The following ADGB variants were observed in gnomAD, a reference collection of about 807,000 sequenced individuals.
ADGB encodes the protein calpain-7-like protein.
In ADGB, 172 loss-of-function variants were observed where a neutral mutation model predicts 210.5. That is an observed-to-expected ratio of 0.82 (90% CI 0.72 to 0.93). The LOEUF is 0.93. Among genes scored for constraint, ADGB ranks in the 40% least tolerant of loss-of-function variants. The probability of loss-of-function intolerance (pLI) is 0.00; values close to 1 mark genes in which losing one functional copy is unlikely to be tolerated. For synonymous variants in ADGB, 658 were observed against 662.7 expected, an observed-to-expected ratio of 0.99 and a Z score of 0.11; for missense variants, 2,025 against 1,964.8, an observed-to-expected ratio of 1.03 and a Z score of -0.58.
At chr6:146,771,419 C>G (rs574076538) in intron 29 of ADGB, among the ~76,000 whole-genome samples, 2 of 152,044 alleles carry the variant, frequency 1.3e-5, no homozygotes, top group Non-Finnish European at 2.9e-5. Flanking sequence ...TTTCTCTTTG[C>G]ATGTTACCAT....
At chr6:146,775,123 G>A (rs1423688724) in intron 29 of ADGB, among the ~76,000 whole-genome samples, 1 of 151,906 alleles carries the variant, frequency 6.6e-6, no homozygotes, top group Non-Finnish European at 1.5e-5. Context: ...ATTGGTTAAG[G>A]GTTTTCTGTT....
intron 1 of ADGB, among the ~76,000 whole-genome samples, chr6:146,613,699 C>T (rs529461518): frequency 2.0e-5 from 3 of 152,196 alleles, no homozygotes; most frequent in East Asian, 1.9e-4. Flanking sequence ...GGCTTTATAC[C>T]TTTGCACCAG....
chr6:146,670,833 A>T (rs1006282460), intron 7 of ADGB, among the ~76,000 whole-genome samples: 5 of 152,178 alleles, frequency 3.3e-5, no homozygotes, highest in Admixed American at 6.6e-5. Flanking sequence ...AAAAATTTTT[A>T]AAGGCTATAC....
At chr6:146,615,043 G>A (rs1170333867) in intron 1 of ADGB, among the ~76,000 whole-genome samples, 3 of 151,936 alleles carry the variant, frequency 2.0e-5, no homozygotes, top group Non-Finnish European at 4.4e-5. Context: ...TGGGACTACA[G>A]GCGCCCACCA....
In ADGB at chr6:146,731,247, A is replaced by G. The variant is rs1333055025; in HGVS notation, c.2521-1873A>G. Among the ~76,000 whole-genome samples, 3 of 152,162 alleles carry G rather than the reference A, an allele frequency of 2.0e-5. No individual in the cohort carries two copies. The East Asian group carries it at 5.8e-4, about 29-fold the overall frequency. On this transcript the variant is annotated intron_variant, in intron 20 of 35. Coordinates refer to ENST00000397944, the MANE Select transcript of ADGB (RefSeq NM_024694.4). Reference sequence around the variant, plus strand: ...ATATTTGCCATAATTCACCTGTAGAACAAGTCTGATAGTGCCCCCACCCTT... The same window carrying G: ...ATATTTGCCATAATTCACCTGTAGAGCAAGTCTGATAGTGCCCCCACCCTT...
chr6:146,750,717 G>C (rs919177407), intron 26 of ADGB, among the ~76,000 whole-genome samples: 4 of 152,262 alleles, frequency 2.6e-5, no homozygotes, highest in African/African-American at 9.6e-5. Flanking sequence ...GCATTAAAAG[G>C]GGAGCGGGAA....
chr6:146,658,125 C>T (rs1030851930), intron 5 of ADGB, among the ~76,000 whole-genome samples: 3 of 151,824 alleles, frequency 2.0e-5, no homozygotes, highest in African/African-American at 7.3e-5. Context: ...TGTTGAAGGG[C>T]CAATAATGAG....
chr6:146,666,873 AG>A lies in ADGB; in HGVS notation c.812del (p.Gly271AspfsTer21). 1 of 1,546,862 alleles carries A rather than the reference AG, an allele frequency of 6.5e-7. No individual in the cohort carries two copies. Among genetic ancestry groups the A allele is most frequent in the Non-Finnish European group, 8.7e-7 (1 of 1,143,272 alleles). On this transcript the variant is annotated frameshift_variant, in exon 7 of 36. Coordinates refer to ENST00000397944, the MANE Select transcript of ADGB (RefSeq NM_024694.4). LOFTEE classifies it high-confidence loss of function. ...AGTTCACGGTTATTCATGCGCTCAC[AG>A]GATGGTTACCAGAAGTCATTTCTCT... is the stretch of plus-strand genomic sequence containing the variant. ...GEFTVIHALT[G>X]WLPEVISLHP... is the part of the protein sequence containing the mutation.
chr6:146,730,386 A>T (rs1333374513), intron 20 of ADGB, among the ~76,000 whole-genome samples: 1 of 152,130 alleles, frequency 6.6e-6, no homozygotes, highest in Non-Finnish European at 1.5e-5. Flanking sequence ...ATCTTACCCC[A>T]AGCAGATACA....
chr6:146,619,118 T>TATAG (rs1374396297), intron 1 of ADGB, among the ~76,000 whole-genome samples: 2 of 152,036 alleles, frequency 1.3e-5, no homozygotes, highest in African/African-American at 4.8e-5. Flanking sequence ...ACCATATATA[T>TATAG]ATAGATAGAT....
intron 4 of ADGB, 144 bp downstream of exon 4, chr6:146,654,350 T>A: frequency 2.5e-6 from 1 of 395,064 alleles, no homozygotes. Flanking sequence ...TACCAAAAAA[T>A]ATATATGGGG....
At chr6:146,686,876 T>C (rs1383662455) in intron 10 of ADGB, among the ~76,000 whole-genome samples, 1 of 152,178 alleles carries the variant, frequency 6.6e-6, no homozygotes, top group Non-Finnish European at 1.5e-5. Context: ...GAAAGAGCTA[T>C]GTTTTAAAAC....
At position 146,700,974 on chromosome 6, in the gene ADGB, A is replaced by G; in HGVS notation, c.1611A>G (p.Ile537Met). 6.4e-7 allele frequency: 1 copy of G among 1,551,136 alleles called. No individual in the cohort carries two copies. Among genetic ancestry groups the G allele is most frequent in the South Asian group, 1.2e-5 (1 of 84,018 alleles). ...TGCGCTCCTTAATTAAGAAAGGAAT[A>G]CCTCCAGGATCTGATTTACCTTCCG... is the stretch of plus-strand genomic sequence containing the variant. ...HFVRSLIKKGIPPGSDLPSVS... is the reference protein window; with the variant it reads ...HFVRSLIKKGMPPGSDLPSVS... The change falls in exon 13 of 36, where the codon ATA becomes ATG. Residue 537 changes from isoleucine (I) to methionine (M), a missense_variant. Transcript: ENST00000397944.
intron 9 of ADGB, among the ~76,000 whole-genome samples, chr6:146,679,972 A>G (rs566333359): frequency 6.7e-4 from 102 of 152,306 alleles, no homozygotes; most frequent in Non-Finnish European, 1.2e-3. Context: ...AGAGTTCAGT[A>G]TCATAGTAAC....
intron 28 of ADGB, among the ~76,000 whole-genome samples, chr6:146,768,776 C>A (rs1777611848): frequency 6.6e-6 from 1 of 152,082 alleles, no homozygotes; most frequent in African/African-American, 2.4e-5. Context: ...TCACTTTATA[C>A]CCACTGCACT....
At chr6:146,810,794 T>G (rs1370863763) in intron 35 of ADGB, among the ~76,000 whole-genome samples, 1 of 152,024 alleles carries the variant, frequency 6.6e-6, no homozygotes, top group Non-Finnish European at 1.5e-5. Context: ...ACCAGAGACT[T>G]AGGGGTGAGA....
intron 7 of ADGB, among the ~76,000 whole-genome samples, chr6:146,670,003 T>C (rs962495395): frequency 6.6e-6 from 1 of 152,058 alleles, no homozygotes; most frequent in Non-Finnish European, 1.5e-5. Context: ...CATTGCTCAT[T>C]TTCCTTGCCT....
At chr6:146,808,735 C>T (rs1286681838) in intron 35 of ADGB, among the ~76,000 whole-genome samples, 2 of 152,106 alleles carry the variant, frequency 1.3e-5, no homozygotes, top group Non-Finnish European at 2.9e-5. Context: ...CTCTCCTGTC[C>T]AGGCTGGGAT....
At chr6:146,802,231 C>G in intron 35 of ADGB, 1 of 279,042 alleles carries the variant, frequency 3.6e-6, no homozygotes, top group Non-Finnish European at 6.4e-6. Context: ...GGAATCTATC[C>G]TCAAAGATGG....
Sources: gnomAD v4.1 joint callset for allele counts (sites outside exome capture counted in the v4.1 genomes callset) on GRCh38, gnomAD v4.1.1 for gene constraint, MANE v1.5 for transcripts, NCBI Gene and HGNC (gene_info 2026-07-23, HGNC 2026-07-21) for gene names.